Variants in CHD9 observed in about 807,000 individuals in gnomAD.
The protein encoded by CHD9 is chromodomain helicase DNA binding protein 9.
Under a neutral mutation model 316.1 loss-of-function variants are expected in CHD9, and 77 were observed. That is an observed-to-expected ratio of 0.24 (90% CI 0.20 to 0.29). The LOEUF is 0.29. Ranked by LOEUF, CHD9 falls within the 10% of genes least tolerant of loss-of-function variation. The pLI, the probability that CHD9 is intolerant of heterozygous loss-of-function variation, is 1.00. For synonymous variants in CHD9, 1,129 were observed against 1,158.3 expected, an observed-to-expected ratio of 0.97 and a Z score of 0.51; for missense variants, 2,763 against 3,438.1, an observed-to-expected ratio of 0.80 and a Z score of 4.91.
intron 1 of CHD9, among the ~76,000 whole-genome samples, chr16:53,062,245 G>A (rs1342798480): frequency 1.3e-5 from 2 of 152,240 alleles, no homozygotes; most frequent in African/African-American, 4.8e-5. Context: ...GCAACAGTAA[G>A]TGTGACCATT....
intron 2 of CHD9, among the ~76,000 whole-genome samples, chr16:53,174,082 T>C (rs1403433991): frequency 6.6e-6 from 1 of 152,136 alleles, no homozygotes; most frequent in East Asian, 1.9e-4. Flanking sequence ...TGAAATGTGT[T>C]ATTTAGCCTC....
chr16:53,171,575 C>A (rs141272480), intron 2 of CHD9, among the ~76,000 whole-genome samples: 1 of 152,078 alleles, frequency 6.6e-6, no homozygotes, highest in African/African-American at 2.4e-5. Flanking sequence ...AAGGACCAGA[C>A]GCTGTGGCTC....
chr16:53,253,357 A>G (rs1189647792), intron 17 of CHD9, among the ~76,000 whole-genome samples: 1 of 152,186 alleles, frequency 6.6e-6, no homozygotes, highest in Non-Finnish European at 1.5e-5. Context: ...AAAACCAAAC[A>G]TCGTGTGTTC....
At chr16:53,199,190 TAC>T (rs1555506773) in intron 2 of CHD9, among the ~76,000 whole-genome samples, 2 of 152,108 alleles carry the variant, frequency 1.3e-5, no homozygotes, top group Non-Finnish European at 2.9e-5. Flanking sequence ...TGAAAACTGT[TAC>T]AGTCATAGTT....
At chr16:53,088,401 C>G (rs181487412) in intron 1 of CHD9, among the ~76,000 whole-genome samples, 2,046 of 151,626 alleles carry the variant, frequency 0.013, 53 homozygotes, top group African/African-American at 0.047. Context: ...CCTTAGCCTC[C>G]CGAGTAGCTG....
At chr16:53,268,249 C>G in intron 22 of CHD9, 123 bp downstream of exon 22, 1 of 689,000 alleles carries the variant, frequency 1.5e-6, no homozygotes, top group Non-Finnish European at 2.3e-6. Flanking sequence ...ACCTTCACTC[C>G]CAATTCAAGT....
At chr16:53,280,588 A>G (rs1218887184) in intron 24 of CHD9, among the ~76,000 whole-genome samples, 1 of 151,954 alleles carries the variant, frequency 6.6e-6, no homozygotes, top group African/African-American at 2.4e-5. Flanking sequence ...TGCTCGGGAG[A>G]TGGGTGCACC....
intron 1 of CHD9, among the ~76,000 whole-genome samples, chr16:53,120,507 G>A (rs1235779979): frequency 6.6e-6 from 1 of 152,166 alleles, no homozygotes; most frequent in East Asian, 1.9e-4. Flanking sequence ...CAGCTACTAA[G>A]GAGGCTGAAG....
At chr16:53,190,712 G>GT (rs1346482095) in intron 2 of CHD9, among the ~76,000 whole-genome samples, 1 of 151,932 alleles carries the variant, frequency 6.6e-6, no homozygotes, top group African/African-American at 2.4e-5. Context: ...CAGAGAGTCT[G>GT]TTTTTTGTAC....
chr16:53,286,005 T>G (rs2053840100), intron 25 of CHD9, among the ~76,000 whole-genome samples: 1 of 152,162 alleles, frequency 6.6e-6, no homozygotes, highest in Non-Finnish European at 1.5e-5. Flanking sequence ...ATTTCTCATA[T>G]TAACTGATAA....
chr16:53,183,333 T>G (rs1286013264), intron 2 of CHD9, among the ~76,000 whole-genome samples: 1 of 152,200 alleles, frequency 6.6e-6, no homozygotes, highest in South Asian at 2.1e-4. Context: ...GATATTGTCT[T>G]ATTTTTCATT....
intron 2 of CHD9, among the ~76,000 whole-genome samples, chr16:53,192,793 T>G (rs953105313): frequency 6.6e-6 from 1 of 152,232 alleles, no homozygotes; most frequent in Non-Finnish European, 1.5e-5. Context: ...TTTTGTTCCC[T>G]GTATCAATAG....
chr16:53,106,065 C>G (rs1000380565), intron 1 of CHD9, among the ~76,000 whole-genome samples: 1 of 152,120 alleles, frequency 6.6e-6, no homozygotes. Context: ...AGTGATCTGC[C>G]CACCTCAGCC....
chr16:53,186,639 A>G (rs2044034710), intron 2 of CHD9, among the ~76,000 whole-genome samples: 2 of 152,162 alleles, frequency 1.3e-5, no homozygotes, highest in East Asian at 3.9e-4. Context: ...CCCACCCAAA[A>G]TCTCATCTTG....
chr16:53,318,939 A>C (rs901018676), intron 37 of CHD9, among the ~76,000 whole-genome samples: 1 of 152,184 alleles, frequency 6.6e-6, no homozygotes, highest in African/African-American at 2.4e-5. Flanking sequence ...ATATTACATA[A>C]TTTCTGATTG....
intron 1 of CHD9, among the ~76,000 whole-genome samples, chr16:53,118,722 C>T (rs1283278274): frequency 6.6e-6 from 1 of 151,400 alleles, no homozygotes; most frequent in Admixed American, 6.6e-5. Flanking sequence ...AATACTTTTA[C>T]GTTAGATATC....
At chr16:53,227,626 TAAAA>T (rs2047765681) in intron 7 of CHD9, 23 bp downstream of exon 7, 1 of 771,294 alleles carries the variant, frequency 1.3e-6, no homozygotes, top group African/African-American at 1.8e-5. Flanking sequence ...GTTAGAAAAA[TAAAA>T]GAAAGATGTT....
At chr16:53,097,274 C>T (rs937785137) in intron 1 of CHD9, among the ~76,000 whole-genome samples, 1 of 152,202 alleles carries the variant, frequency 6.6e-6, no homozygotes, top group Non-Finnish European at 1.5e-5. Flanking sequence ...TGAGAACTCT[C>T]GCTGTGAGAG....
chr16:53,065,179 G>A (rs563223201), intron 1 of CHD9, among the ~76,000 whole-genome samples: 1 of 152,300 alleles, frequency 6.6e-6, no homozygotes, highest in East Asian at 1.9e-4. Context: ...TAATCACCAG[G>A]AAAACCTAAG....
Sources: allele counts gnomAD v4.1 joint callset (sites outside exome capture counted in the v4.1 genomes callset), GRCh38; gene constraint gnomAD v4.1.1; transcripts MANE v1.5; gene names NCBI Gene and HGNC (gene_info 2026-07-23, HGNC 2026-07-21).